Variants in SP3 observed in about 807,000 individuals in gnomAD.
SP3 encodes the protein Sp3 transcription factor.
SP3 carries 10 observed loss-of-function variants against 70.3 expected under a neutral mutation model. That is an observed-to-expected ratio of 0.14 (90% CI 0.09 to 0.24). The LOEUF (loss-of-function observed/expected upper bound fraction) is 0.24, where lower values mean the gene tolerates loss of function less well. Among genes scored for constraint, SP3 ranks in the 10% least tolerant of loss-of-function variants. The probability of loss-of-function intolerance (pLI) is 1.00; values close to 1 mark genes in which losing one functional copy is unlikely to be tolerated. For missense variants in SP3, 825 were observed against 914.6 expected (o/e 0.90, Z 1.26); for synonymous variants, 402 against 333.5 (o/e 1.21, Z -2.24).
intron 5 of SP3, chr2:173,914,585 TGGA>T (rs1380621357): frequency 6.6e-6 from 1 of 152,230 alleles, no homozygotes; most frequent in East Asian, 1.9e-4. Flanking sequence ...GAAGGCTTCG[TGGA>T]GGAGGTGGGT....
intron 4 of SP3, among the ~76,000 whole-genome samples, chr2:173,954,233 T>C (rs1039694910): frequency 6.6e-6 from 1 of 152,202 alleles, no homozygotes; most frequent in Non-Finnish European, 1.5e-5. Context: ...TTACACAACA[T>C]TCAAAGAGCA....
chr2:173,904,882 A>G lies in SP3; in HGVS notation c.*5059T>C, dbSNP rs1420439292. ...AAGGATGGAGGGGAGAAATAACTGC[A>G]TTTCTCTGATGGCCTTTCCTAATCT... On this transcript the variant is annotated 3_prime_UTR_variant, in exon 7 of 7. Coordinates refer to ENST00000310015, the MANE Select transcript of SP3 (RefSeq NM_003111.5). 6.6e-6 allele frequency among the ~76,000 whole-genome samples: 1 copy of G among 152,122 alleles called. No individual in the cohort carries two copies. The highest frequency in any genetic ancestry group is 1.9e-4 in the East Asian group (1 of 5,190).
rs1320623640 is a variant in SP3, at chr2:173,904,581, G to A, written c.*5360C>T. On this transcript the variant is annotated 3_prime_UTR_variant, in exon 7 of 7. Coordinates refer to ENST00000310015, the MANE Select transcript of SP3 (RefSeq NM_003111.5). The stretch of plus-strand genomic sequence containing the variant: ...TCTTCTGGGGTTGAATGTCATCTTT[G>A]CTTTCTCTGCCTCCCATGTATGTTC... Among the ~76,000 whole-genome samples, 1 of 152,194 alleles carries A rather than the reference G, an allele frequency of 6.6e-6. No individual in the cohort carries two copies. Among genetic ancestry groups the A allele is most frequent in the Non-Finnish European group, 1.5e-5 (1 of 68,028 alleles).
intron 4 of SP3, among the ~76,000 whole-genome samples, chr2:173,947,087 T>C: frequency 6.6e-6 from 1 of 152,176 alleles, no homozygotes; most frequent in Non-Finnish European, 1.5e-5. Flanking sequence ...TAATGTAACA[T>C]CTCTGTAATG....
intron 4 of SP3, among the ~76,000 whole-genome samples, chr2:173,934,602 G>A (rs1471027354): frequency 1.3e-5 from 2 of 151,974 alleles, no homozygotes; most frequent in African/African-American, 2.4e-5. Flanking sequence ...TCAATTGCCA[G>A]GCCTGTAACT....
intron 4 of SP3, among the ~76,000 whole-genome samples, chr2:173,931,611 G>A (rs945855630): frequency 1.3e-5 from 2 of 152,080 alleles, no homozygotes; most frequent in African/African-American, 4.8e-5. Context: ...CAAAGTGCTG[G>A]GGTTACAGGT....
intron 4 of SP3, among the ~76,000 whole-genome samples, chr2:173,952,125 T>C (rs1276504889): frequency 6.9e-6 from 1 of 144,546 alleles, no homozygotes; most frequent in Non-Finnish European, 1.5e-5. Flanking sequence ...TTTGAGGAAA[T>C]ATCTGTCACT....
Position 173,955,048 on chromosome 2 carries a change from A to G in SP3, c.1464T>C (p.Thr488=). 6.2e-7 allele frequency: 1 copy of G among 1,614,200 alleles called. No individual in the cohort carries two copies. The highest frequency in any genetic ancestry group is 1.7e-5 in the Admixed American group (1 of 60,020). The change falls in exon 4 of 7, where the codon ACT becomes ACC. Residue 488 remains threonine (T), a synonymous_variant. Transcript: ENST00000310015. ...QIQNTAAQQI[T]LTPVQTLTLG... ...GTGTGAGGGTTTGAACAGGCGTCAAAGTTATTTGTTGGGCAGCAGTATTCT... is the reference window on the plus strand; with the variant it reads ...GTGTGAGGGTTTGAACAGGCGTCAAGGTTATTTGTTGGGCAGCAGTATTCT...
At chr2:173,957,637 C>T (rs1484529172) in intron 3 of SP3, among the ~76,000 whole-genome samples, 1 of 151,966 alleles carries the variant, frequency 6.6e-6, no homozygotes, top group Non-Finnish European at 1.5e-5. Flanking sequence ...TTCACAGATC[C>T]CACTAAATTG....
intron 5 of SP3, among the ~76,000 whole-genome samples, 156 bp downstream of exon 5, chr2:173,918,437 A>G (rs764094452): frequency 1.3e-5 from 2 of 152,010 alleles, no homozygotes; most frequent in African/African-American, 2.4e-5. Context: ...CCAATTCCAT[A>G]TATTTTGTTC....
chr2:173,958,786 A>G (rs1405676996), intron 3 of SP3, among the ~76,000 whole-genome samples: 1 of 152,112 alleles, frequency 6.6e-6, no homozygotes, highest in Non-Finnish European at 1.5e-5. Flanking sequence ...AAGAAAAAAA[A>G]AAAAGCTCAG....
In SP3 at chr2:173,906,996, C is replaced by T. The variant is rs1689344470; in HGVS notation, c.*2945G>A. ...GTATTTTTAAGTATCTTAAGCATTG[C>T]CACTATTTTGAAAGACCAAAGTTAT... is the stretch of plus-strand genomic sequence containing the variant. On this transcript the variant is annotated 3_prime_UTR_variant, in exon 7 of 7. Transcript: ENST00000310015. 1 of 152,134 alleles carries T rather than the reference C, an allele frequency of 6.6e-6. No homozygotes were observed. The highest frequency in any genetic ancestry group is 1.5e-5 in the Non-Finnish European group (1 of 68,026). The allele number at this position is 152,134 out of a possible 1,614,324, so 9.4% of individuals were successfully genotyped here.
rs1689315728 is a variant in SP3, at chr2:173,906,181, G to A, written c.*3760C>T. Reference sequence around the variant, plus strand: ...CCCCCATCACCCAACATACCACACTGTACCTTTGCAAACGCCATTTCTGCT... The same window carrying A: ...CCCCCATCACCCAACATACCACACTATACCTTTGCAAACGCCATTTCTGCT... On this transcript the variant is annotated 3_prime_UTR_variant, in exon 7 of 7. Transcript: ENST00000310015. 1.3e-5 allele frequency among the ~76,000 whole-genome samples: 2 copies of A among 152,154 alleles called. No homozygotes were observed. Among genetic ancestry groups the A allele is most frequent in the South Asian group, 4.1e-4 (2 of 4,820 alleles).
chr2:173,937,985 T>C (rs1403448297), intron 4 of SP3, among the ~76,000 whole-genome samples: 6 of 152,210 alleles, frequency 3.9e-5, no homozygotes, highest in African/African-American at 1.4e-4. Context: ...TTAGGGCAAG[T>C]CATTTAATTC....
intron 4 of SP3, among the ~76,000 whole-genome samples, chr2:173,921,812 G>C (rs1298248251): frequency 6.6e-6 from 1 of 152,160 alleles, no homozygotes; most frequent in Non-Finnish European, 1.5e-5. Flanking sequence ...CATGGGGGCG[G>C]ATTTCTCATA....
rs750883319 is a variant in SP3, at chr2:173,906,092, ATTC to A, written c.*3846_*3848del. Among the ~76,000 whole-genome samples, 1 of 151,980 alleles carries A rather than the reference ATTC, an allele frequency of 6.6e-6. No individual in the cohort carries two copies. The highest frequency in any genetic ancestry group is 1.9e-4 in the East Asian group (1 of 5,168). ...AGACTAGGAATCACTGACAAAAAAA[ATTC>A]TTCTCTTTTGCAATTTGGCAGCCCC... On this transcript the variant is annotated 3_prime_UTR_variant, in exon 7 of 7. Coordinates refer to ENST00000310015, the MANE Select transcript of SP3 (RefSeq NM_003111.5).
intron 6 of SP3, among the ~76,000 whole-genome samples, chr2:173,911,978 C>T (rs1221756701): frequency 2.0e-5 from 3 of 152,068 alleles, no homozygotes; most frequent in African/African-American, 4.8e-5. Flanking sequence ...ACCATCCGCC[C>T]GGCTATTCTT....
At chr2:173,963,281 T>C (rs1054084877) in intron 3 of SP3, 1 of 152,158 alleles carries the variant, frequency 6.6e-6, no homozygotes, top group Non-Finnish European at 1.5e-5. Flanking sequence ...AAAGGGTAAT[T>C]CAAAGAATAA....
At chr2:173,944,331 C>T (rs1008578444) in intron 4 of SP3, among the ~76,000 whole-genome samples, 1 of 151,996 alleles carries the variant, frequency 6.6e-6, no homozygotes, top group Non-Finnish European at 1.5e-5. Context: ...CTCAGGAGTT[C>T]GAGGCCACCC....
Sources: gnomAD v4.1 joint callset for allele counts (sites outside exome capture counted in the v4.1 genomes callset) on GRCh38, gnomAD v4.1.1 for gene constraint, MANE v1.5 for transcripts, NCBI Gene and HGNC (gene_info 2026-07-23, HGNC 2026-07-21) for gene names.